NHS: variants seen among roughly 807,000 people sequenced by gnomAD.
The protein encoded by NHS is NHS actin remodeling regulator.
A neutral mutation model predicts 72.5 loss-of-function variants in NHS; 5 were observed. The ratio of observed to expected loss-of-function variants is 0.07; its 90% CI spans 0.04 to 0.14. NHS has a LOEUF of 0.14. Among genes scored for constraint, NHS ranks in the 10% least tolerant of loss-of-function variants. NHS has a pLI of 1.00. For missense variants in NHS, 1,072 were observed against 1,355.7 expected, an observed-to-expected ratio of 0.79 and a Z score of 3.29; for synonymous variants, 464 against 547.7, an observed-to-expected ratio of 0.85 and a Z score of 2.13.
Position 17,491,872 on chromosome X carries a change from G to A in NHS, c.565+115550G>A, listed in dbSNP as rs1393711746. ...GGTTTAGTCTTGGGAGGGTGTATGT[G>A]TCCAGGAATTTATCCATTTCTTCTA... On this transcript the variant is annotated intron_variant, in intron 1 of 8. Coordinates refer to ENST00000676302, the MANE Select transcript of NHS (RefSeq NM_001291867.2). Among the ~76,000 whole-genome samples, 6 of 108,194 alleles carry A rather than the reference G, an allele frequency of 5.5e-5. No individual in the cohort carries two copies. The Admixed American group carries it at 6.0e-4, about 11-fold the overall frequency. 94.0% of individuals were successfully genotyped at this position (108,194 alleles called of 115,157 possible).
chrX:17,437,150 G>A (rs1004775567), intron 1 of NHS, among the ~76,000 whole-genome samples: 1 of 111,402 alleles, frequency 9.0e-6, no homozygotes, highest in Admixed American at 9.5e-5. Flanking sequence ...ACAGGTGAGA[G>A]GATTCGTTGC....
chrX:17,529,797 A>G (rs1476014610), intron 1 of NHS, among the ~76,000 whole-genome samples: 1 of 111,958 alleles, frequency 8.9e-6, no homozygotes, highest in African/African-American at 3.3e-5. Flanking sequence ...TCATCCTGAG[A>G]GGCAGATTTT....
At chrX:17,422,802 G>A (rs2064630784) in intron 1 of NHS, among the ~76,000 whole-genome samples, 1 of 111,730 alleles carries the variant, frequency 9.0e-6, no homozygotes, top group Non-Finnish European at 1.9e-5. Flanking sequence ...TGGACGAGTA[G>A]GGAAGGTGGG....
intron 1 of NHS, among the ~76,000 whole-genome samples, chrX:17,567,887 G>A (rs770415061): frequency 9.0e-6 from 1 of 111,026 alleles, no homozygotes; most frequent in Admixed American, 9.6e-5. Flanking sequence ...GAGGGCAGAG[G>A]AGTGATTCAA....
In NHS at chrX:17,379,380, T is replaced by G. The variant is rs191068381; in HGVS notation, c.565+3058T>G. ...TTCTGAATGCATTTTGGAAATAGGA[T>G]TGCCAAGACTTAACTGATTTGATTG... On this transcript the variant is annotated intron_variant, in intron 1 of 8. Coordinates refer to ENST00000676302, the MANE Select transcript of NHS (RefSeq NM_001291867.2). 1.1e-3 allele frequency among the ~76,000 whole-genome samples: 126 copies of G among 110,788 alleles called. 1 individual carries two copies. The highest frequency in any genetic ancestry group is 3.8e-3 in the African/African-American group (115 of 30,462).
At chrX:17,403,883 G>T (rs764983400) in intron 1 of NHS, among the ~76,000 whole-genome samples, 5 of 111,048 alleles carry the variant, frequency 4.5e-5, no homozygotes, top group South Asian at 7.9e-4. Flanking sequence ...TTGCCTGGTG[G>T]ATCCCTCAGA....
chrX:17,509,920 A>C (rs1018288306), intron 1 of NHS, among the ~76,000 whole-genome samples: 2 of 112,786 alleles, frequency 1.8e-5, no homozygotes, highest in African/African-American at 3.2e-5. Context: ...AGACAATTCC[A>C]GCGTCTCTAC....
intron 1 of NHS, among the ~76,000 whole-genome samples, chrX:17,498,589 G>A (rs752481372): frequency 9.0e-6 from 1 of 111,329 alleles, no homozygotes; most frequent in East Asian, 2.8e-4. Context: ...CTAGGTTTGG[G>A]GGTAGAAAAT....
At chrX:17,604,211 C>T (rs2065667157) in intron 1 of NHS, among the ~76,000 whole-genome samples, 1 of 100,211 alleles carries the variant, frequency 1.0e-5, no homozygotes, top group African/African-American at 4.0e-5. Flanking sequence ...ACATGGTTTC[C>T]TCAGGATATT....
At chrX:17,566,132 A>G (rs1055644716) in intron 1 of NHS, among the ~76,000 whole-genome samples, 60 of 109,636 alleles carry the variant, frequency 5.5e-4, no homozygotes, top group Non-Finnish European at 3.8e-5. Context: ...GGTGCGTGCC[A>G]CCACACCCAG....
At chrX:17,486,691 T>C (rs1276171306) in intron 1 of NHS, among the ~76,000 whole-genome samples, 1 of 111,893 alleles carries the variant, frequency 8.9e-6, no homozygotes, top group Admixed American at 9.5e-5. Flanking sequence ...AGTAGTAAAA[T>C]ATACTTTGCC....
intron 1 of NHS, among the ~76,000 whole-genome samples, chrX:17,570,333 CTT>C (rs1362018050): frequency 8.9e-6 from 1 of 112,115 alleles, no homozygotes; most frequent in African/African-American, 3.2e-5. Flanking sequence ...TTTGTGTCCT[CTT>C]TTATTTCCTT....
At chrX:17,677,405 T>C (rs2066089084) in intron 1 of NHS, among the ~76,000 whole-genome samples, 1 of 111,513 alleles carries the variant, frequency 9.0e-6, no homozygotes, top group African/African-American at 3.3e-5. Context: ...TCTGGTGTTT[T>C]TAAAAGGATG....
intron 1 of NHS, among the ~76,000 whole-genome samples, chrX:17,637,100 A>T (rs2065853766): frequency 9.0e-6 from 1 of 111,535 alleles, no homozygotes; most frequent in African/African-American, 3.3e-5. Flanking sequence ...CTTCCACCCA[A>T]ACCCCCAATT....
At position 17,521,366 on chromosome X, in the gene NHS, C is replaced by CTTTTTTTTTTTTTTTTTTT. The variant is rs766662277; in HGVS notation, c.565+145057_565+145058insTTTTTTTTTTTTTTTTTTT. On this transcript the variant is annotated intron_variant, in intron 1 of 8. Coordinates refer to ENST00000676302, the MANE Select transcript of NHS (RefSeq NM_001291867.2). ...AGTTCTACCTTTTTCTCCCTTCCCT[C>CTTTTTTTTTTTTTTTTTTT]TTTTTTTTTTTTTGAGACAGGGTCT... 8.8e-4 allele frequency among the ~76,000 whole-genome samples: 86 copies of CTTTTTTTTTTTTTTTTTTT among 97,326 alleles called. 6 individuals carry two copies. The highest frequency in any genetic ancestry group is 3.4e-3 in the African/African-American group (78 of 23,139). The allele number at this position is 97,326 out of a possible 115,157, so 84.5% of individuals were successfully genotyped here.
chrX:17,485,216 AG>A (rs1224152653), intron 1 of NHS, among the ~76,000 whole-genome samples: 1 of 112,656 alleles, frequency 8.9e-6, no homozygotes, highest in Non-Finnish European at 1.9e-5. Context: ...TTCAAACTTC[AG>A]GGGACACACA....
At chrX:17,680,756 C>A (rs1211492730) in intron 1 of NHS, among the ~76,000 whole-genome samples, 1 of 110,964 alleles carries the variant, frequency 9.0e-6, no homozygotes, top group Admixed American at 9.5e-5. Context: ...AAAAAAAATA[C>A]AGAAGTCCAA....
At chrX:17,465,726 T>C in intron 1 of NHS, among the ~76,000 whole-genome samples, 1 of 112,342 alleles carries the variant, frequency 8.9e-6, no homozygotes. Context: ...TATACTTTTG[T>C]GTGTGGCAAT....
chrX:17,465,943 C>T (rs755601030), intron 1 of NHS, among the ~76,000 whole-genome samples: 7 of 112,806 alleles, frequency 6.2e-5, no homozygotes, highest in African/African-American at 9.7e-5. Flanking sequence ...GGCCTACCTT[C>T]GTTATATAAC....
Sources: gnomAD v4.1 joint callset for allele counts (sites outside exome capture counted in the v4.1 genomes callset) on GRCh38, gnomAD v4.1.1 for gene constraint, MANE v1.5 for transcripts, NCBI Gene and HGNC (gene_info 2026-07-23, HGNC 2026-07-21) for gene names.